DNAH7: variants seen among roughly 807,000 people sequenced by gnomAD.
DNAH7 encodes dynein axonemal heavy chain 7.
DNAH7 carries 397 observed loss-of-function variants against 444.6 expected under a neutral mutation model. That is an observed-to-expected ratio of 0.89 (90% CI 0.82 to 0.97). The LOEUF (loss-of-function observed/expected upper bound fraction) is 0.97, where lower values mean the gene tolerates loss of function less well. Ranked by LOEUF, DNAH7 falls within the 50% of genes least tolerant of loss-of-function variation. The pLI is 0.00. For missense variants in DNAH7, 4,902 were observed against 4,800.8 expected, an observed-to-expected ratio of 1.02 and a Z score of -0.62; for synonymous variants, 1,636 against 1,624.4, an observed-to-expected ratio of 1.01 and a Z score of -0.17.
Position 195,785,397 on chromosome 2 carries a change from G to A in DNAH7, c.10878+1613C>T, listed in dbSNP as rs542497880. Reference sequence around the variant, plus strand: ...TTAAGACAGGGTCTTGTTTAGCTAGGACTTGTATTAGCTAGGACTTCTAGT... The same window carrying A: ...TTAAGACAGGGTCTTGTTTAGCTAGAACTTGTATTAGCTAGGACTTCTAGT... On this transcript the variant is annotated intron_variant, in intron 58 of 64. Coordinates refer to ENST00000312428, the MANE Select transcript of DNAH7 (RefSeq NM_018897.3). Among the ~76,000 whole-genome samples the A allele has an allele frequency of 2.6e-5, 4 of 151,764 alleles. No homozygotes were observed. In the South Asian group the frequency reaches 6.3e-4, roughly 24 times the overall value.
At chr2:195,825,811 T>A (rs1055065468) in intron 48 of DNAH7, among the ~76,000 whole-genome samples, 21 of 152,162 alleles carry the variant, frequency 1.4e-4, no homozygotes, top group African/African-American at 5.1e-4. Flanking sequence ...GGTGCTGGGG[T>A]GACAGGTATT....
At chr2:195,993,503 T>TG (rs1165481776) in intron 12 of DNAH7, among the ~76,000 whole-genome samples, 6 of 151,950 alleles carry the variant, frequency 3.9e-5, no homozygotes, top group Non-Finnish European at 7.4e-5. Context: ...CACAAACATG[T>TG]GGGGGATAGG....
chr2:195,789,917 G>T (rs1841727), intron 57 of DNAH7, among the ~76,000 whole-genome samples: 3 of 151,968 alleles, frequency 2.0e-5, no homozygotes, highest in Non-Finnish European at 4.4e-5. Flanking sequence ...TTCTATACCT[G>T]GAAAACACCA....
intron 35 of DNAH7, 32 bp from the exon 36 acceptor site, chr2:195,882,024 C>CT: frequency 6.4e-7 from 1 of 1,569,466 alleles, no homozygotes; most frequent in South Asian, 1.1e-5. Context: ...GTAATGAATG[C>CT]TATAAAATAC....
intron 24 of DNAH7, among the ~76,000 whole-genome samples, chr2:195,913,336 T>C (rs1437373827): frequency 6.6e-6 from 1 of 152,184 alleles, no homozygotes; most frequent in East Asian, 1.9e-4. Context: ...ATAGGCATTC[T>C]TTAAATGTAA....
chr2:195,984,571 G>A (rs1311179254), intron 15 of DNAH7, 61 bp downstream of exon 15: 37 of 1,413,110 alleles, frequency 2.6e-5, no homozygotes, highest in East Asian at 1.1e-4. Flanking sequence ...TTGTTACTCC[G>A]CATTATTGTG....
intron 57 of DNAH7, among the ~76,000 whole-genome samples, chr2:195,788,072 G>A (rs1207745175): frequency 6.6e-6 from 1 of 152,210 alleles, no homozygotes; most frequent in East Asian, 1.9e-4. Flanking sequence ...AGTCACAGAA[G>A]TCCAGCAGGG....
At chr2:195,846,318 C>A (rs926950840) in intron 46 of DNAH7, among the ~76,000 whole-genome samples, 3 of 152,180 alleles carry the variant, frequency 2.0e-5, no homozygotes, top group Non-Finnish European at 4.4e-5. Flanking sequence ...GATACCATCT[C>A]GCACCAATCA....
chr2:195,995,255 G>A (rs1693621359), intron 12 of DNAH7: 9 of 433,002 alleles, frequency 2.1e-5, no homozygotes, highest in Admixed American at 2.0e-4. Context: ...TGAGGGAGAT[G>A]CTTTGAATGT....
intron 61 of DNAH7, among the ~76,000 whole-genome samples, chr2:195,768,843 A>G (rs1694708286): frequency 6.6e-6 from 1 of 152,194 alleles, no homozygotes. Context: ...TTCGTTTGCT[A>G]AATTTATTGT....
intron 36 of DNAH7, among the ~76,000 whole-genome samples, chr2:195,880,397 C>T (rs1475035998): frequency 1.3e-5 from 2 of 149,924 alleles, no homozygotes; most frequent in South Asian, 2.1e-4. Flanking sequence ...GGCGCGATCT[C>T]GGCTCACTGC....
intron 63 of DNAH7, 33 bp downstream of exon 63, chr2:195,754,304 A>G: frequency 1.3e-6 from 2 of 1,596,888 alleles, no homozygotes; most frequent in East Asian, 4.5e-5. Flanking sequence ...CAGTGCCCAG[A>G]TATGAGCCGA....
intron 61 of DNAH7, among the ~76,000 whole-genome samples, chr2:195,764,254 C>A (rs1694472205): frequency 6.6e-6 from 1 of 151,800 alleles, no homozygotes; most frequent in African/African-American, 2.4e-5. Context: ...TTAATAAAAG[C>A]CATATATGAC....
At chr2:195,766,961 T>C (rs573116299) in intron 61 of DNAH7, among the ~76,000 whole-genome samples, 2 of 152,250 alleles carry the variant, frequency 1.3e-5, no homozygotes, top group South Asian at 4.1e-4. Flanking sequence ...GTTACTTCTC[T>C]TTTTTTGCTT....
rs769474761 is a variant in DNAH7 at position 195,875,721 on chromosome 2, C to T, written c.6240G>A (p.Met2080Ile). 1.2e-6 allele frequency: 2 copies of T among 1,610,018 alleles called. No homozygotes were observed. The highest frequency in any genetic ancestry group is 2.7e-5 in the African/African-American group (2 of 74,788). Residue 2080 changes from methionine to isoleucine, a missense_variant, in exon 38 of 65, where the codon ATG becomes ATA. Physicochemically the swap from Met to Ile is conservative, Grantham distance 10 (BLOSUM62 1). Coordinates refer to ENST00000312428, the MANE Select transcript of DNAH7 (RefSeq NM_018897.3). ...TGATCTGAATGTCCACTAGTTTAATCATGGAACAATCTTTTAGATCATACC... is the reference window on the plus strand; with the variant it reads ...TGATCTGAATGTCCACTAGTTTAATTATGGAACAATCTTTTAGATCATACC... ...WNWYDLKDCS[M>I]IKLVDIQIMC...
chr2:195,804,917 C>T (rs866413071), intron 54 of DNAH7, among the ~76,000 whole-genome samples: 2 of 152,134 alleles, frequency 1.3e-5, no homozygotes, highest in South Asian at 4.2e-4. Flanking sequence ...AGACAGAGGG[C>T]TAAAGTACTA....
At chr2:196,021,454 C>CA (rs1280545569) in intron 8 of DNAH7, among the ~76,000 whole-genome samples, 1 of 152,108 alleles carries the variant, frequency 6.6e-6, no homozygotes, top group East Asian at 1.9e-4. Flanking sequence ...TTTTTGGTTT[C>CA]CTAGTGCATA....
In DNAH7 at chr2:195,895,182, G is replaced by A; in HGVS notation, c.4690C>T (p.Pro1564Ser). 6.2e-7 allele frequency: 1 copy of A among 1,611,236 alleles called. No homozygotes were observed. Among genetic ancestry groups the A allele is most frequent in the South Asian group, 1.1e-5 (1 of 90,608 alleles). ...GCTGCCAGCAAATCATTGTAATCTG[G>A]TTTTGGTAATTTTACCCCAGGAAAC... Reference protein sequence around the residue: ...DLFPGVKLPKPDYNDLLAAIK... With the variant: ...DLFPGVKLPKSDYNDLLAAIK... The change falls in exon 30 of 65, where the codon CCA becomes TCA. Residue 1564 changes from proline to serine, a missense_variant. Coordinates refer to ENST00000312428, the MANE Select transcript of DNAH7 (RefSeq NM_018897.3).
At chr2:195,913,809 G>C (rs1294525805) in intron 24 of DNAH7, among the ~76,000 whole-genome samples, 7 of 152,096 alleles carry the variant, frequency 4.6e-5, no homozygotes, top group African/African-American at 2.4e-5. Context: ...TCCGCCTCCC[G>C]GGTTCAAGCG....
Sources: gnomAD v4.1 joint callset for allele counts (sites outside exome capture counted in the v4.1 genomes callset) on GRCh38, gnomAD v4.1.1 for gene constraint, MANE v1.5 for transcripts, NCBI Gene and HGNC (gene_info 2026-07-23, HGNC 2026-07-21) for gene names.